The following RBFOX1 variants were observed in gnomAD, a reference collection of about 807,000 sequenced individuals.
The protein encoded by RBFOX1 is RNA binding protein fox-1 homolog 1.
In RBFOX1, 8 loss-of-function variants were observed where a neutral mutation model predicts 57.7. The observed-to-expected ratio is 0.14, with a 90% CI of 0.08 to 0.25. The LOEUF is 0.25. RBFOX1 is among the 10% of genes least tolerant of loss of function. The pLI, the probability that RBFOX1 is intolerant of heterozygous loss-of-function variation, is 1.00. For synonymous variants in RBFOX1, 326 were observed against 222.4 expected (o/e 1.47, Z -4.15); for missense variants, 611 against 548.5 (o/e 1.11, Z -1.14).
At chr16:7,491,662 G>A (rs539086929) in intron 4 of RBFOX1, among the ~76,000 whole-genome samples, 1 of 151,950 alleles carries the variant, frequency 6.6e-6, no homozygotes, top group Non-Finnish European at 1.5e-5. Flanking sequence ...ACAGGGTCTT[G>A]CTCTGTCACC....
chr16:7,063,830 T>C (rs1265190965), intron 4 of RBFOX1, among the ~76,000 whole-genome samples: 2 of 152,194 alleles, frequency 1.3e-5, no homozygotes, highest in Non-Finnish European at 2.9e-5. Context: ...ATTCAAGTAA[T>C]ATAGAGATGT....
chr16:6,113,166 C>G (rs905265715), intron 1 of RBFOX1, among the ~76,000 whole-genome samples: 1 of 152,158 alleles, frequency 6.6e-6, no homozygotes, highest in African/African-American at 2.4e-5. Flanking sequence ...CACATCTGCC[C>G]TGGTGTCTTT....
At chr16:7,708,942 C>T in intron 14 of RBFOX1, 114 bp from the exon 15 acceptor site, 1 of 904,100 alleles carries the variant, frequency 1.1e-6, no homozygotes, top group Non-Finnish European at 1.8e-6. Context: ...ATTTGCTTCT[C>T]ACTGGAAGAT....
chr16:6,679,572 A>G (rs2058300826), intron 3 of RBFOX1, among the ~76,000 whole-genome samples: 3 of 152,162 alleles, frequency 2.0e-5, no homozygotes. Context: ...TCTAGGAGGT[A>G]GCCTCATTAT....
At chr16:5,552,092 C>A (rs972097440) in intron 2 of RBFOX1, among the ~76,000 whole-genome samples, 1 of 152,112 alleles carries the variant, frequency 6.6e-6, no homozygotes. Context: ...TGTCGTGTTA[C>A]CGTGAAATTG....
intron 1 of RBFOX1, among the ~76,000 whole-genome samples, chr16:5,280,445 C>T (rs2063243783): frequency 6.6e-6 from 1 of 152,088 alleles, no homozygotes; most frequent in Admixed American, 6.6e-5. Flanking sequence ...TAGTGCTGGC[C>T]TTATACAATG....
chr16:6,959,697 G>T (rs2082566270), intron 3 of RBFOX1, among the ~76,000 whole-genome samples: 1 of 152,112 alleles, frequency 6.6e-6, no homozygotes, highest in South Asian at 2.1e-4. Flanking sequence ...TAAACTTGGG[G>T]AGGCTGAGGT....
intron 2 of RBFOX1, among the ~76,000 whole-genome samples, chr16:6,529,959 T>A (rs947053866): frequency 1.1e-4 from 17 of 152,296 alleles, no homozygotes; most frequent in Middle Eastern, 3.4e-3. Flanking sequence ...ATAACTCAGA[T>A]TTTTCAACTT....
chr16:6,564,573 C>G (rs923984206), intron 2 of RBFOX1, among the ~76,000 whole-genome samples: 6 of 152,078 alleles, frequency 3.9e-5, no homozygotes, highest in African/African-American at 1.4e-4. Flanking sequence ...CATGATCTCA[C>G]TGATATATGG....
chr16:6,875,353 C>G (rs1428371864), intron 3 of RBFOX1, among the ~76,000 whole-genome samples: 1 of 152,136 alleles, frequency 6.6e-6, no homozygotes, highest in Non-Finnish European at 1.5e-5. Flanking sequence ...TTATACACAG[C>G]TTTGACCTCT....
chr16:5,690,477 C>A (rs1425254426), intron 3 of RBFOX1, among the ~76,000 whole-genome samples: 8 of 152,154 alleles, frequency 5.3e-5, no homozygotes, highest in African/African-American at 1.9e-4. Context: ...GGACAAAATA[C>A]TGCCCGTAAC....
At chr16:5,280,886 C>T (rs2063256389) in intron 1 of RBFOX1, among the ~76,000 whole-genome samples, 1 of 151,582 alleles carries the variant, frequency 6.6e-6, no homozygotes. Flanking sequence ...TTCAAAAAAC[C>T]AACTTTTATC....
intron 11 of RBFOX1, among the ~76,000 whole-genome samples, chr16:7,635,093 C>T (rs1042160295): frequency 2.0e-5 from 3 of 152,118 alleles, no homozygotes; most frequent in Admixed American, 6.5e-5. Flanking sequence ...TTATTGCCAG[C>T]GCTGTTTTGC....
intron 2 of RBFOX1, among the ~76,000 whole-genome samples, chr16:5,472,778 C>T (rs1344597485): frequency 6.6e-6 from 1 of 152,150 alleles, no homozygotes; most frequent in Admixed American, 6.5e-5. Flanking sequence ...CTCATAATTA[C>T]CAGCGTAATT....
At chr16:5,775,673 A>G (rs1235679616) in intron 3 of RBFOX1, among the ~76,000 whole-genome samples, 1 of 152,210 alleles carries the variant, frequency 6.6e-6, no homozygotes, top group African/African-American at 2.4e-5. Context: ...GCTCCAGGAA[A>G]CAAAGGACTG....
intron 1 of RBFOX1, among the ~76,000 whole-genome samples, chr16:6,045,223 C>T (rs373233350): frequency 2.6e-5 from 4 of 152,152 alleles, no homozygotes; most frequent in East Asian, 1.9e-4. Context: ...AACTCCCGAG[C>T]GATGCTACTG....
At chr16:6,047,455 A>G (rs1019104255) in intron 1 of RBFOX1, among the ~76,000 whole-genome samples, 2 of 152,216 alleles carry the variant, frequency 1.3e-5, no homozygotes, top group Non-Finnish European at 2.9e-5. Context: ...TCCCGAGGAA[A>G]GAGGCCAGAT....
intron 3 of RBFOX1, among the ~76,000 whole-genome samples, chr16:6,782,020 G>GT (rs1161499122): frequency 6.6e-6 from 1 of 151,924 alleles, no homozygotes; most frequent in Non-Finnish European, 1.5e-5. Context: ...TGTTATTGTT[G>GT]TTTTTTATAC....
At chr16:5,955,734 A>C (rs8052230) in intron 4 of RBFOX1, among the ~76,000 whole-genome samples, 39,605 of 152,110 alleles carry the variant, frequency 0.26, 6,195 homozygotes, top group East Asian at 0.38. Context: ...AGATATTTCT[A>C]ATACACAAAA....
Sources: allele counts gnomAD v4.1 joint callset (sites outside exome capture counted in the v4.1 genomes callset), GRCh38; gene constraint gnomAD v4.1.1; transcripts MANE v1.5; gene names NCBI Gene and HGNC (gene_info 2026-07-23, HGNC 2026-07-21).